MYLK3: variants seen among roughly 807,000 people sequenced by gnomAD.
The protein encoded by MYLK3 is myosin light chain kinase 3, also known as MLC kinase.
MYLK3 carries 55 observed loss-of-function variants against 76.3 expected under a neutral mutation model. The ratio of observed to expected loss-of-function variants is 0.72; its 90% CI spans 0.58 to 0.90. The LOEUF is 0.90. MYLK3 is among the 40% of genes least tolerant of loss of function. The pLI, the probability that MYLK3 is intolerant of heterozygous loss-of-function variation, is 0.00. For missense variants in MYLK3, 973 were observed against 1,053.6 expected, an observed-to-expected ratio of 0.92 and a Z score of 1.06; for synonymous variants, 416 against 425.4, an observed-to-expected ratio of 0.98 and a Z score of 0.27.
intron 8 of MYLK3, among the ~76,000 whole-genome samples, chr16:46,721,608 T>C (rs1966800803): frequency 6.6e-6 from 1 of 152,146 alleles, no homozygotes; most frequent in Non-Finnish European, 1.5e-5. Context: ...GCTCAAGAGA[T>C]CCTCCAGCCT....
Position 46,757,534 on chromosome 16 carries a change from C to G in MYLK3, c.-114+5506G>C, listed in dbSNP as rs142393272. 2.4e-4 allele frequency: 239 copies of G among 985,432 alleles called. 3 individuals are homozygous for G. The highest frequency in any genetic ancestry group is 5.7e-4 in the East Asian group (5 of 8,784). The allele number at this position is 985,432 out of a possible 1,614,324, so 61.0% of individuals were successfully genotyped here. A position where few individuals can be genotyped will look rare whatever the true frequency, so the allele number is the denominator to read the frequency against. The stretch of plus-strand genomic sequence containing the variant: ...CCATCAGCCACTGTGACTGTGCCAA[C>G]TCCGTGTTTACTCTGCCTAGAGATG... On this transcript the variant is annotated intron_variant, in intron 1 of 11. Coordinates refer to the MYLK3 transcript ENST00000536476.
chr16:46,756,310 G>T (rs890724896), intron 1 of MYLK3, among the ~76,000 whole-genome samples: 5 of 152,224 alleles, frequency 3.3e-5, no homozygotes, highest in African/African-American at 1.2e-4. Flanking sequence ...TTAAGTAAAA[G>T]CAGTGACATC....
intron 3 of MYLK3, among the ~76,000 whole-genome samples, chr16:46,733,189 C>T (rs1966856233): frequency 6.6e-6 from 1 of 152,032 alleles, no homozygotes; most frequent in Non-Finnish European, 1.5e-5. Flanking sequence ...TAGCAAGACC[C>T]CACCTCTACA....
chr16:46,763,132 T>C (rs1229840406), exon 1 of MYLK3: 3 of 984,146 alleles, frequency 3.0e-6, no homozygotes, highest in Admixed American at 6.1e-5. Context: ...CTCCATCTTA[T>C]ACACAGACAA....
chr16:46,762,714 C>T (rs529651452), intron 1 of MYLK3, among the ~76,000 whole-genome samples: 2 of 152,316 alleles, frequency 1.3e-5, no homozygotes, highest in African/African-American at 4.8e-5. Context: ...ATAAACCACA[C>T]AGTAGAATTG....
chr16:46,716,835 G>A (rs1596749955), intron 9 of MYLK3, among the ~76,000 whole-genome samples: 2 of 152,192 alleles, frequency 1.3e-5, no homozygotes, highest in Non-Finnish European at 1.5e-5. Flanking sequence ...ATGTATTGAT[G>A]CCTCCATAAA....
At position 46,704,779 on chromosome 16, in the gene MYLK3, G is replaced by T. The variant is rs1233532412; in HGVS notation, c.*2925C>A. The T allele has an allele frequency of 6.6e-6, 1 of 152,190 alleles. No homozygotes were observed. Among genetic ancestry groups the T allele is most frequent in the African/African-American group, 2.4e-5 (1 of 41,440 alleles). 9.4% of individuals were successfully genotyped at this position (152,190 alleles called of 1,614,324 possible). On this transcript the variant is annotated 3_prime_UTR_variant, in exon 13 of 13. Coordinates refer to ENST00000394809, the MANE Select transcript of MYLK3 (RefSeq NM_182493.3). ...GTAATTAACTGTCTTTTTCTGGGGA[G>T]ATGTTTCATAGCATTCTCCAGAATC...
chr16:46,760,551 C>A (rs991845135), intron 1 of MYLK3, among the ~76,000 whole-genome samples: 3 of 152,170 alleles, frequency 2.0e-5, no homozygotes, highest in Admixed American at 6.5e-5. Flanking sequence ...GTGGGACAGT[C>A]GCTAACTGCA....
At chr16:46,748,423 G>GC, upstream of MYLK3, 1 of 710,686 alleles carries the variant, frequency 1.4e-6, no homozygotes, top group Non-Finnish European at 2.2e-6. This position sits in a 1 kb window ranked among gnomAD's most constrained non-coding sequence, Gnocchi z 4.3. Context: ...TGAGTGACAG[G>GC]CCGAGGTCAG....
intron 7 of MYLK3, among the ~76,000 whole-genome samples, chr16:46,727,608 C>A (rs1413859323): frequency 6.6e-6 from 1 of 152,184 alleles, no homozygotes; most frequent in Non-Finnish European, 1.5e-5. Context: ...CTCACTGCAA[C>A]CTCCGTCTCC....
intron 8 of MYLK3, among the ~76,000 whole-genome samples, chr16:46,722,463 A>G (rs952703865): frequency 6.6e-6 from 1 of 152,190 alleles, no homozygotes; most frequent in African/African-American, 2.4e-5. Flanking sequence ...TTTCATTGTT[A>G]TTTATGTTAC....
rs1193027604 is a variant in MYLK3 at position 46,702,925 on chromosome 16, GAAA to G, written c.*4776_*4778del. Among the ~76,000 whole-genome samples the G allele has an allele frequency of 2.7e-5, 2 of 73,604 alleles. No individual in the cohort carries two copies. Among genetic ancestry groups the G allele is most frequent in the East Asian group, 4.1e-4 (1 of 2,432 alleles). 48.3% of individuals were successfully genotyped at this position (73,604 alleles called of 152,430 possible). ...ACAGAGTGAGACTCCATCTTGGAAA[GAAA>G]AAAAAAAAAAGGAATACATGCTCAT... is the stretch of plus-strand genomic sequence containing the variant. On this transcript the variant is annotated 3_prime_UTR_variant, in exon 13 of 13. Transcript: ENST00000394809.
chr16:46,732,317 T>C lies in MYLK3; in HGVS notation c.1353A>G (p.Pro451=). 6.2e-7 allele frequency: 1 copy of C among 1,612,050 alleles called. No individual in the cohort carries two copies. Among genetic ancestry groups the C allele is most frequent in the Non-Finnish European group, 8.5e-7 (1 of 1,180,026 alleles). ...GCTCAGGCTCAGGGTTTCCCGCCCC[T>C]GGGCTTTTGCCCTGCTGCAGGCCCA... The part of the protein sequence containing the change: ...GALGLQQGKS[P]GAGNPEPEQD... The change falls in exon 4 of 13, where the codon CCA becomes CCG. Residue 451 remains proline (P), a synonymous_variant. Coordinates refer to ENST00000394809, the MANE Select transcript of MYLK3 (RefSeq NM_182493.3).
At chr16:46,750,205 T>C (rs1470957160), upstream of MYLK3, among the ~76,000 whole-genome samples, 1 of 152,196 alleles carries the variant, frequency 6.6e-6, no homozygotes, top group Non-Finnish European at 1.5e-5. Flanking sequence ...CTTTGGGAAA[T>C]GGCTGCTTAG....
At chr16:46,712,623 C>A in intron 10 of MYLK3, 25 bp downstream of exon 10, 1 of 1,422,522 alleles carries the variant, frequency 7.0e-7, no homozygotes, top group Non-Finnish European at 9.3e-7. Context: ...GTCCCCACTT[C>A]AGAGCCAGGG....
rs1432604033 is a variant in MYLK3 at position 46,747,887 on chromosome 16, C to A, written c.307G>T (p.Asp103Tyr). The A allele has an allele frequency of 6.2e-7, 1 of 1,613,972 alleles. No individual in the cohort carries two copies. The highest frequency in any genetic ancestry group is 8.5e-7 in the Non-Finnish European group (1 of 1,179,978). The change falls in exon 1 of 13, where the codon GAT becomes TAT. Residue 103 changes from aspartate (D) to tyrosine (Y), a missense_variant. Asp to Tyr is a radical substitution (Grantham distance 160). This residue lies in a region of MYLK3 where 641 missense variants were observed against 637.0 expected (regional missense o/e 1.01). Coordinates refer to ENST00000394809, the MANE Select transcript of MYLK3 (RefSeq NM_182493.3). ...VLELVRAMQQ[D>Y]AAQHGARLEA... ...AGCCTGGCACCGTGCTGGGCCGCAT[C>A]CTGCTGCATGGCCCTCACCAGCTCC...
chr16:46,728,215 C>A (rs1966846167), intron 7 of MYLK3, among the ~76,000 whole-genome samples: 1 of 152,188 alleles, frequency 6.6e-6, no homozygotes, highest in South Asian at 2.1e-4. Context: ...TTGGCCCCAG[C>A]ACTGGGGCGG....
intron 3 of MYLK3, among the ~76,000 whole-genome samples, chr16:46,735,865 A>G (rs1966866257): frequency 6.6e-6 from 1 of 152,192 alleles, no homozygotes; most frequent in East Asian, 1.9e-4. Context: ...GAAGCCCCTA[A>G]AGGCACTTAC....
chr16:46,741,896 G>A (rs1039311001), intron 1 of MYLK3, among the ~76,000 whole-genome samples: 5 of 151,686 alleles, frequency 3.3e-5, no homozygotes, highest in South Asian at 2.1e-4. Flanking sequence ...TCAGCCTCAC[G>A]AGTAGCTGGG....
Sources: gnomAD v4.1 joint callset for allele counts (sites outside exome capture counted in the v4.1 genomes callset) on GRCh38, gnomAD v4.1.1 for gene constraint, gnomAD v4.1.1 regional missense constraint, Gnocchi (gnomAD v3.1) non-coding constraint, MANE v1.5 for transcripts, NCBI Gene and HGNC (gene_info 2026-07-23, HGNC 2026-07-21) for gene names.